The following CCDC33 variants were observed in gnomAD, a reference collection of about 807,000 sequenced individuals.
CCDC33 encodes coiled-coil domain-containing protein 33.
CCDC33 carries 94 observed loss-of-function variants against 91.9 expected under a neutral mutation model. That is an observed-to-expected ratio of 1.02 (90% CI 0.87 to 1.21). The LOEUF is 1.21. CCDC33 is among the 50% of genes most tolerant of loss of function. The pLI, the probability that CCDC33 is intolerant of heterozygous loss-of-function variation, is 0.00. For synonymous variants in CCDC33, 396 were observed against 374.5 expected (o/e 1.06, Z -0.66); for missense variants, 940 against 935.5 (o/e 1.00, Z -0.06).
chr15:74,295,663 G>A, intron 10 of CCDC33, 91 bp from the exon 11 acceptor site: 1 of 1,122,966 alleles, frequency 8.9e-7, no homozygotes, highest in Non-Finnish European at 1.3e-6. Context: ...GCCATGAGGA[G>A]GAGAGGCTTG....
At chr15:74,310,441 G>A (rs1349884931) in intron 11 of CCDC33, among the ~76,000 whole-genome samples, 3 of 151,510 alleles carry the variant, frequency 2.0e-5, no homozygotes, top group Admixed American at 1.3e-4. Flanking sequence ...AGAGGCTGAA[G>A]CAGGAAAATA....
chr15:74,307,778 A>G (rs1452180769), intron 11 of CCDC33, among the ~76,000 whole-genome samples: 1 of 151,996 alleles, frequency 6.6e-6, no homozygotes, highest in African/African-American at 2.4e-5. Flanking sequence ...GCAAACTCCT[A>G]AATATGTTCC....
At chr15:74,222,336 G>A (rs946239108) in intron 2 of CCDC33, among the ~76,000 whole-genome samples, 1 of 152,102 alleles carries the variant, frequency 6.6e-6, no homozygotes, top group African/African-American at 2.4e-5. Flanking sequence ...CATCCTGGGG[G>A]CTCCCTCGCT....
intron 11 of CCDC33, chr15:74,318,676 C>G (rs1215947455): frequency 1.3e-6 from 1 of 760,742 alleles, no homozygotes; most frequent in Non-Finnish European, 2.4e-6. Flanking sequence ...GCCCCCTCGC[C>G]CACTGGTTCT....
intron 11 of CCDC33, among the ~76,000 whole-genome samples, chr15:74,299,340 G>C (rs2059748000): frequency 6.6e-6 from 1 of 152,204 alleles, no homozygotes; most frequent in Non-Finnish European, 1.5e-5. Context: ...GGGCCACTCA[G>C]CCACCACCAT....
chr15:74,268,497 G>T, intron 5 of CCDC33, 39 bp downstream of exon 5: 1 of 1,401,630 alleles, frequency 7.1e-7, no homozygotes, highest in South Asian at 1.2e-5. Flanking sequence ...TGGTGGGGGT[G>T]GGAAAGGGCC....
chr15:74,232,540 C>T (rs1173451390), upstream of CCDC33, among the ~76,000 whole-genome samples: 1 of 152,202 alleles, frequency 6.6e-6, no homozygotes, highest in Admixed American at 6.5e-5. Context: ...CTTTTCCTGA[C>T]TCTTGCCCCT....
intron 16 of CCDC33, 78 bp from the exon 17 acceptor site, chr15:74,333,803 A>T: frequency 1.6e-6 from 2 of 1,219,460 alleles, no homozygotes; most frequent in Non-Finnish European, 2.4e-6. Flanking sequence ...TTTCTTCCTC[A>T]ATACCTTATG....
At chr15:74,203,263 G>A in intron 1 of CCDC33, 2 of 961,682 alleles carry the variant, frequency 2.1e-6, no homozygotes, top group Non-Finnish European at 2.5e-6. Context: ...CCCACAAGGC[G>A]GAAATTAGCT....
At chr15:74,288,122 C>T (rs757101088) in intron 10 of CCDC33, among the ~76,000 whole-genome samples, 1 of 152,030 alleles carries the variant, frequency 6.6e-6, no homozygotes. Flanking sequence ...GGTCATTTCC[C>T]GACAGAGAGT....
In CCDC33 at chr15:74,333,376, C is replaced by T. The variant is rs989542374; in HGVS notation, c.1939-505C>T. The T allele has an allele frequency of 4.9e-5, 67 of 1,375,612 alleles. No homozygotes were observed. The Middle Eastern group carries it at 5.4e-4, about 11-fold the overall frequency. The allele number at this position is 1,375,612 out of a possible 1,614,324, so 85.2% of individuals were successfully genotyped here. On this transcript the variant is annotated intron_variant, in intron 16 of 18. Coordinates refer to ENST00000398814, the MANE Select transcript of CCDC33 (RefSeq NM_025055.5). The stretch of plus-strand genomic sequence containing the variant: ...AGGCCCTGCTCCACCTCTGAAGATG[C>T]TTCAGGGGCCCCTTGCTTTACATAA...
At chr15:74,256,604 C>T (rs890350441) in intron 2 of CCDC33, among the ~76,000 whole-genome samples, 3 of 152,168 alleles carry the variant, frequency 2.0e-5, no homozygotes, top group African/African-American at 7.2e-5. Context: ...AGGTGGCTCC[C>T]AGGGCCCCTC....
chr15:74,331,233 G>T lies in CCDC33; in HGVS notation c.1708G>T (p.Asp570Tyr), dbSNP rs371143853. The T allele has an allele frequency of 1.9e-6, 3 of 1,614,176 alleles. No homozygotes were observed. The highest frequency in any genetic ancestry group is 2.5e-6 in the Non-Finnish European group (3 of 1,180,016). ...VIEKMERVLEDRLQDRSKPPP... is the reference protein window; with the variant it reads ...VIEKMERVLEYRLQDRSKPPP... ...CGAGAAGATGGAGCGGGTGCTGGAGGACAGGCTGCAGGACAGGAGCAAGCC... is the reference window on the plus strand; with the variant it reads ...CGAGAAGATGGAGCGGGTGCTGGAGTACAGGCTGCAGGACAGGAGCAAGCC... The change falls in exon 15 of 19, where the codon GAC (aspartate) becomes TAC (tyrosine). Residue 570 changes from aspartate (D) to tyrosine (Y), a missense_variant. Coordinates refer to ENST00000398814, the MANE Select transcript of CCDC33 (RefSeq NM_025055.5).
chr15:74,251,799 T>C (rs2075717974), intron 2 of CCDC33, among the ~76,000 whole-genome samples: 1 of 152,204 alleles, frequency 6.6e-6, no homozygotes. Context: ...GGTCACAGGA[T>C]GAGCTCTGAC....
At chr15:74,210,042 C>T (rs943593699) in intron 2 of CCDC33, among the ~76,000 whole-genome samples, 2 of 152,080 alleles carry the variant, frequency 1.3e-5, no homozygotes, top group Non-Finnish European at 2.9e-5. Flanking sequence ...CCAGGAGAGG[C>T]AGGGAGAGAG....
At chr15:74,269,453 C>T (rs1854630636) in intron 5 of CCDC33, among the ~76,000 whole-genome samples, 1 of 152,194 alleles carries the variant, frequency 6.6e-6, no homozygotes, top group South Asian at 2.1e-4. Context: ...CCCCTACAGC[C>T]ACCCCTCTGA....
chr15:74,315,022 T>C (rs570844477), intron 11 of CCDC33, among the ~76,000 whole-genome samples: 17 of 152,262 alleles, frequency 1.1e-4, no homozygotes, highest in Admixed American at 9.1e-4. Context: ...GCGGTGGTTT[T>C]ATTGCGGGCA....
At chr15:74,228,959 G>A (rs1275644141) in intron 2 of CCDC33, among the ~76,000 whole-genome samples, 1 of 152,148 alleles carries the variant, frequency 6.6e-6, no homozygotes, top group Non-Finnish European at 1.5e-5. Flanking sequence ...GAGGGAGCCC[G>A]GGCTGACTTG....
upstream of CCDC33, among the ~76,000 whole-genome samples, chr15:74,214,465 C>T (rs116625928): frequency 5.4e-3 from 815 of 152,228 alleles, 9 homozygotes; most frequent in African/African-American, 0.019. Context: ...TTTTGAAAAC[C>T]GTGGGAGGCT....
Sources: gnomAD v4.1 joint callset for allele counts (sites outside exome capture counted in the v4.1 genomes callset) on GRCh38, gnomAD v4.1.1 for gene constraint, MANE v1.5 for transcripts, NCBI Gene and HGNC (gene_info 2026-07-23, HGNC 2026-07-21) for gene names.